The following KSR1 variants were observed in gnomAD, a reference collection of about 807,000 sequenced individuals.
KSR1 encodes kinase suppressor of ras.
KSR1 carries 35 observed loss-of-function variants against 92.9 expected under a neutral mutation model. That is an observed-to-expected ratio of 0.38 (90% CI 0.29 to 0.50). KSR1 has a LOEUF of 0.50. KSR1 is among the 20% of genes least tolerant of loss of function. KSR1 has a pLI of 0.94. For missense variants in KSR1, 972 were observed against 1,158.5 expected, an observed-to-expected ratio of 0.84 and a Z score of 2.34; for synonymous variants, 467 against 472.6, an observed-to-expected ratio of 0.99 and a Z score of 0.15.
At chr17:27,499,860 G>A (rs565595581) in intron 1 of KSR1, among the ~76,000 whole-genome samples, 4 of 152,236 alleles carry the variant, frequency 2.6e-5, no homozygotes, top group Admixed American at 1.3e-4. Context: ...CTTCTGTTTG[G>A]AAGGGTGTCA....
chr17:27,531,693 C>T (rs1473354181), intron 1 of KSR1, among the ~76,000 whole-genome samples: 1 of 152,200 alleles, frequency 6.6e-6, no homozygotes, highest in Non-Finnish European at 1.5e-5. Flanking sequence ...CAGCAGCGCC[C>T]TGAGGAGCTG....
intron 2 of KSR1, among the ~76,000 whole-genome samples, chr17:27,565,206 A>G (rs1319744462): frequency 6.6e-6 from 1 of 152,250 alleles, no homozygotes; most frequent in East Asian, 1.9e-4. Flanking sequence ...CATTTGATGC[A>G]TTTCCTTCCA....
chr17:27,498,575 C>T (rs2150975589), intron 1 of KSR1, among the ~76,000 whole-genome samples: 1 of 152,268 alleles, frequency 6.6e-6, no homozygotes, highest in South Asian at 2.1e-4. Flanking sequence ...ATGGAGGACC[C>T]ACCCTGCTGC....
chr17:27,619,210 C>T (rs779992339), intron 19 of KSR1, among the ~76,000 whole-genome samples: 4 of 152,182 alleles, frequency 2.6e-5, no homozygotes, highest in East Asian at 3.9e-4. Flanking sequence ...CCATACCTGG[C>T]GCCAGGTGTG....
intron 1 of KSR1, among the ~76,000 whole-genome samples, chr17:27,531,619 C>T (rs556732883): frequency 1.7e-4 from 26 of 152,204 alleles, no homozygotes; most frequent in Non-Finnish European, 3.2e-4. Flanking sequence ...GGCTTCAGCC[C>T]TGCTCCTCTG....
At chr17:27,568,943 T>C (rs1444853602) in intron 2 of KSR1, among the ~76,000 whole-genome samples, 1 of 152,180 alleles carries the variant, frequency 6.6e-6, no homozygotes, top group Non-Finnish European at 1.5e-5. Context: ...GACTTTCTCA[T>C]TTGCCAGTCC....
intron 1 of KSR1, among the ~76,000 whole-genome samples, chr17:27,497,257 CAG>C (rs1198833877): frequency 3.7e-4 from 57 of 152,342 alleles, no homozygotes; most frequent in African/African-American, 1.3e-3. Context: ...TACAGAGAAA[CAG>C]AGGCTGAAGC....
intron 1 of KSR1, among the ~76,000 whole-genome samples, chr17:27,492,299 C>A (rs184521955): frequency 6.6e-6 from 1 of 152,150 alleles, no homozygotes; most frequent in Non-Finnish European, 1.5e-5. Context: ...CTTGCTTTCC[C>A]GTCAGACTTG....
intron 6 of KSR1, among the ~76,000 whole-genome samples, chr17:27,590,209 GT>G (rs1567861956): frequency 6.6e-6 from 1 of 152,140 alleles, no homozygotes; most frequent in African/African-American, 2.4e-5. Flanking sequence ...TCATAGCTTA[GT>G]TTTTTTCCTG....
At chr17:27,457,347 TTCCTC>T (rs2019225363) in intron 1 of KSR1, among the ~76,000 whole-genome samples, 1 of 152,214 alleles carries the variant, frequency 6.6e-6, no homozygotes, top group Middle Eastern at 3.2e-3. Context: ...GTCCCTTCCT[TTCCTC>T]TCCTCTCAGG....
intron 1 of KSR1, among the ~76,000 whole-genome samples, chr17:27,542,866 A>G (rs1373282277): frequency 6.6e-6 from 1 of 152,214 alleles, no homozygotes; most frequent in African/African-American, 2.4e-5. Flanking sequence ...TGCTTTACAG[A>G]GAAGGAGACT....
intron 1 of KSR1, among the ~76,000 whole-genome samples, chr17:27,508,043 C>T (rs1464444022): frequency 6.6e-6 from 1 of 152,160 alleles, no homozygotes; most frequent in African/African-American, 2.4e-5. Flanking sequence ...CTCCCACGTG[C>T]CCCCAGTCTC....
intron 17 of KSR1, among the ~76,000 whole-genome samples, chr17:27,611,015 T>A (rs1246978734): frequency 6.6e-6 from 1 of 152,224 alleles, no homozygotes; most frequent in African/African-American, 2.4e-5. Context: ...CCCGGTCACC[T>A]GTGCTGTATC....
At chr17:27,620,102 G>C (rs1567898180) in intron 19 of KSR1, among the ~76,000 whole-genome samples, 1 of 152,234 alleles carries the variant, frequency 6.6e-6, no homozygotes, top group South Asian at 2.1e-4. Flanking sequence ...AGAAATGCTT[G>C]GTTCTTCACT....
In KSR1 at chr17:27,526,640, G is replaced by A. The variant is rs60113469; in HGVS notation, c.232-23928G>A. On this transcript the variant is annotated intron_variant, in intron 1 of 20. Coordinates refer to ENST00000644974, the MANE Select transcript of KSR1 (RefSeq NM_001394583.1). ...TCAGTCCTCGTGCATCTTTTTTAAA[G>A]CACCTTCCTGAGAGATTTTGCTCAT... 1,634 of 1,560,190 alleles carry A rather than the reference G, an allele frequency of 1.0e-3. 3 individuals are homozygous for A. The highest frequency in any genetic ancestry group is 5.7e-3 in the Middle Eastern group (34 of 5,960).
chr17:27,464,692 C>T (rs1298993660), intron 1 of KSR1, among the ~76,000 whole-genome samples: 5 of 139,820 alleles, frequency 3.6e-5, no homozygotes, highest in African/African-American at 1.3e-4. Flanking sequence ...GGCCACAGAG[C>T]AAGAACTTGA....
intron 2 of KSR1, among the ~76,000 whole-genome samples, chr17:27,568,047 G>A (rs376371558): frequency 6.6e-6 from 1 of 152,198 alleles, no homozygotes; most frequent in African/African-American, 2.4e-5. Context: ...TCTGCTCAGG[G>A]TCTCTGTTGA....
chr17:27,525,010 A>G (rs2070203357), intron 1 of KSR1, among the ~76,000 whole-genome samples: 1 of 152,278 alleles, frequency 6.6e-6, no homozygotes, highest in Non-Finnish European at 1.5e-5. Context: ...GCATTGTCTC[A>G]TCATTACTGA....
intron 18 of KSR1, among the ~76,000 whole-genome samples, chr17:27,612,175 C>T (rs1057191996): frequency 6.6e-6 from 1 of 152,068 alleles, no homozygotes; most frequent in Admixed American, 6.6e-5. Flanking sequence ...TTTTGTCAGG[C>T]TAAATAAGAG....
Sources: gnomAD v4.1 joint callset for allele counts (sites outside exome capture counted in the v4.1 genomes callset) on GRCh38, gnomAD v4.1.1 for gene constraint, MANE v1.5 for transcripts, NCBI Gene and HGNC (gene_info 2026-07-23, HGNC 2026-07-21) for gene names.